Variants in CARD14 observed in about 807,000 individuals in gnomAD.
The protein encoded by CARD14 is caspase recruitment domain-containing protein 14.
Under a neutral mutation model 111.5 loss-of-function variants are expected in CARD14, and 107 were observed. That is an observed-to-expected ratio of 0.96 (90% confidence interval 0.82 to 1.13). CARD14 has a LOEUF of 1.13. Among genes scored for constraint, CARD14 ranks in the 50% most tolerant of loss-of-function variants. CARD14 has a pLI of 0.00. For missense variants in CARD14, 1,322 were observed against 1,362.3 expected (o/e 0.97, Z 0.47); for synonymous variants, 617 against 579.6 (o/e 1.06, Z -0.93).
Position 80,195,637 on chromosome 17 carries a change from C to T in CARD14, c.1579C>T (p.Leu527Phe), listed in dbSNP as rs761409171. The stretch of plus-strand genomic sequence containing the variant: ...AGGCGACCCACACCTGGATTATGAG[C>T]TCCTAGACACGGCAGGTGAGCACGC... ...KAGDPHLDYE[L>F]LDTADLPQLE... Residue 527 changes from leucine to phenylalanine, a missense_variant, in exon 14 of 24, where the codon CTC becomes TTC. Physicochemically the swap from Leu to Phe is conservative, Grantham distance 22. Coordinates refer to ENST00000648509, the MANE Select transcript of CARD14 (RefSeq NM_001366385.1). The surrounding 1 kb of genome is among the most constrained non-coding windows in gnomAD (Gnocchi z 4.7). 1 of 1,613,372 alleles carries T rather than the reference C, an allele frequency of 6.2e-7. No homozygotes were observed. Among genetic ancestry groups the T allele is most frequent in the South Asian group, 1.1e-5 (1 of 90,978 alleles).
rs779419388 is a variant in CARD14, at chr17:80,195,174, T to A, written c.1357-17T>A. 6.3e-7 allele frequency: 1 copy of A among 1,588,854 alleles called. No individual in the cohort carries two copies. Among genetic ancestry groups the A allele is most frequent in the Admixed American group, 1.7e-5 (1 of 59,022 alleles). ...TCCTCGTGCGTGCCCCACTGACTTCTGCCCTCCCTCCTCCAGTCTCAGCTC... is the reference window on the plus strand; with the variant it reads ...TCCTCGTGCGTGCCCCACTGACTTCAGCCCTCCCTCCTCCAGTCTCAGCTC... On this transcript the variant is annotated splice_polypyrimidine_tract_variant and intron_variant, in intron 12 of 23. Transcript: ENST00000648509. This position sits in a 1 kb window ranked among gnomAD's most constrained non-coding sequence, Gnocchi z 4.7.
intron 10 of CARD14, 86 bp downstream of exon 10, chr17:80,190,985 T>G: frequency 2.6e-6 from 4 of 1,521,016 alleles, no homozygotes. Flanking sequence ...CGTGGCTCCC[T>G]GCCCTTGATG....
intron 14 of CARD14, chr17:80,197,509 G>A (rs559595218): frequency 1.3e-5 from 2 of 151,576 alleles, no homozygotes; most frequent in East Asian, 3.9e-4. Flanking sequence ...CTCCAGCCTG[G>A]GCGACAGAGT....
At position 80,195,227 on chromosome 17, in the gene CARD14, C is replaced by T. The variant is rs777303119; in HGVS notation, c.1393C>T (p.Arg465Cys). ...GTCGGACCTGAGTGCCACGTCCAGC[C>T]GCGAGCTGGTGGACAGCTTCCGCTC... ...LLSDLSATSS[R>C]ELVDSFRSSS... Residue 465 changes from arginine to cysteine, a missense_variant, in exon 13 of 24, where the codon CGC (arginine) becomes TGC (cysteine). Physicochemically the swap from Arg to Cys is radical, Grantham distance 180. Coordinates refer to ENST00000648509, the MANE Select transcript of CARD14 (RefSeq NM_001366385.1). The surrounding 1 kb of genome is among the most constrained non-coding windows in gnomAD (Gnocchi z 4.7). 26 of 1,611,640 alleles carry T rather than the reference C, an allele frequency of 1.6e-5. No individual in the cohort carries two copies. The highest frequency in any genetic ancestry group is 1.3e-4 in the East Asian group (6 of 44,864).
Position 80,189,012 on chromosome 17 carries a change from C to T in CARD14, c.843+468C>T, listed in dbSNP as rs540497305. ...GCTGCAGGGAGCTGAGATCACGCCA[C>T]TGCACTCCAGCCTGGCGACAGAGGG... is the stretch of plus-strand genomic sequence containing the variant. On this transcript the variant is annotated intron_variant, in intron 8 of 23. Transcript: ENST00000648509. This position sits in a 1 kb window ranked among gnomAD's most constrained non-coding sequence, Gnocchi z 4.7. Among the ~76,000 whole-genome samples, 20 of 152,336 alleles carry T rather than the reference C, an allele frequency of 1.3e-4. No homozygotes were observed. The highest frequency in any genetic ancestry group is 2.5e-4 in the Non-Finnish European group (17 of 68,032).
chr17:80,188,181 C>T lies in CARD14; in HGVS notation c.676-196C>T. 3 of 565,754 alleles carry T rather than the reference C, an allele frequency of 5.3e-6. No individual in the cohort carries two copies. Among genetic ancestry groups the T allele is most frequent in the South Asian group, 7.7e-5 (2 of 26,116 alleles). The allele number at this position is 565,754 out of a possible 1,614,324, so 35.0% of individuals were successfully genotyped here. A position where few individuals can be genotyped will look rare whatever the true frequency, so the allele number is the denominator to read the frequency against. ...CATCTATAAGACAGAGCTGAAAGGC[C>T]TCTGTCCTCCCAGCCCCAGTTGAAT... On this transcript the variant is annotated intron_variant, in intron 7 of 23. Coordinates refer to ENST00000648509, the MANE Select transcript of CARD14 (RefSeq NM_001366385.1). The surrounding 1 kb of genome is among the most constrained non-coding windows in gnomAD (Gnocchi z 4.5).
chr17:80,177,991 G>A (rs1387574218), intron 2 of CARD14, among the ~76,000 whole-genome samples: 3 of 152,142 alleles, frequency 2.0e-5, no homozygotes, highest in Non-Finnish European at 2.9e-5. Context: ...TTTGCGGGGG[G>A]CCACAATCAG....
intron 7 of CARD14, among the ~76,000 whole-genome samples, chr17:80,184,628 T>G (rs1598641549): frequency 6.6e-6 from 1 of 152,168 alleles, no homozygotes; most frequent in South Asian, 2.1e-4. Flanking sequence ...CATCCTCCTT[T>G]GTCCTTCTCA....
chr17:80,198,617 C>T lies in CARD14; in HGVS notation c.1851+26C>T. ...GTGAGCCGTGCGAGGCCCCTCCTGT[C>T]CCCCGGGCTCCTCATGGGGACAGTG... is the stretch of plus-strand genomic sequence containing the variant. On this transcript the variant is annotated intron_variant, in intron 16 of 23. Coordinates refer to ENST00000648509, the MANE Select transcript of CARD14 (RefSeq NM_001366385.1). The surrounding 1 kb of genome is among the most constrained non-coding windows in gnomAD (Gnocchi z 7.5). 9 of 1,610,390 alleles carry T rather than the reference C, an allele frequency of 5.6e-6. No individual in the cohort carries two copies. The highest frequency in any genetic ancestry group is 7.6e-6 in the Non-Finnish European group (9 of 1,179,372).
Position 80,203,668 on chromosome 17 carries a change from C to T in CARD14, c.2220-154C>T, listed in dbSNP as rs2041113379. 5.3e-6 allele frequency: 3 copies of T among 569,990 alleles called. No homozygotes were observed. Among genetic ancestry groups the T allele is most frequent in the African/African-American group, 1.9e-5 (1 of 51,864 alleles). 35.3% of individuals were successfully genotyped at this position (569,990 alleles called of 1,614,324 possible). On this transcript the variant is annotated intron_variant, in intron 18 of 23. Transcript: ENST00000648509. The surrounding 1 kb of genome is among the most constrained non-coding windows in gnomAD (Gnocchi z 4.6). ...GACTGGCATGGCCGCCAGGATGGAG[C>T]GCTCCAGCCTGCAGCAAAGGGATGT... is the stretch of plus-strand genomic sequence containing the variant.
Position 80,182,529 on chromosome 17 carries a change from C to T in CARD14, c.212-124C>T. 1 of 1,181,028 alleles carries T rather than the reference C, an allele frequency of 8.5e-7. No individual in the cohort carries two copies. Among genetic ancestry groups the T allele is most frequent in the South Asian group, 1.5e-5 (1 of 66,654 alleles). The allele number at this position is 1,181,028 out of a possible 1,614,324, so 73.2% of individuals were successfully genotyped here. A position where few individuals can be genotyped will look rare whatever the true frequency, so the allele number is the denominator to read the frequency against. ...AGAACCCAGAAAACCGCTTTCACCT[C>T]CCGATTCTTACATGTGCGGGGGGTT... On this transcript the variant is annotated intron_variant, in intron 5 of 23. Coordinates refer to ENST00000648509, the MANE Select transcript of CARD14 (RefSeq NM_001366385.1). This position sits in a 1 kb window ranked among gnomAD's most constrained non-coding sequence, Gnocchi z 4.7.
chr17:80,180,353 T>C (rs1445714330), intron 4 of CARD14, among the ~76,000 whole-genome samples: 2 of 152,226 alleles, frequency 1.3e-5, no homozygotes, highest in Admixed American at 6.5e-5. Flanking sequence ...TTCGGGGACC[T>C]GTCCACCCTC....
rs1344416829 is a variant in CARD14, at chr17:80,192,613, C to T, written c.1350C>T (p.Ser450=). 7.4e-6 allele frequency: 12 copies of T among 1,611,276 alleles called. No homozygotes were observed. The Middle Eastern group carries it at 5.2e-4, about 69-fold the overall frequency. Residue 450 remains serine (S), a synonymous_variant, in exon 12 of 24, where the codon TCC becomes TCT. Transcript: ENST00000648509. The part of the protein sequence containing the change: ...RDDSDCSLVS[S]TESQLLSDLS... ...ACAGCGACTGCAGCCTCGTCAGCTCCACAGAGGTACGGCCGCTCCTCCCGC... is the reference window on the plus strand; with the variant it reads ...ACAGCGACTGCAGCCTCGTCAGCTCTACAGAGGTACGGCCGCTCCTCCCGC...
Position 80,198,683 on chromosome 17 carries a change from G to C in CARD14, c.1851+92G>C, listed in dbSNP as rs1490811220. The C allele has an allele frequency of 6.2e-7, 1 of 1,605,756 alleles. No homozygotes were observed. Among genetic ancestry groups the C allele is most frequent in the South Asian group, 1.1e-5 (1 of 90,692 alleles). Reference sequence around the variant, plus strand: ...ACCCAGGCAGACTTCACCTCCCCCAGACGATGCAGATCCACTCTGGGCTGG... The same window carrying C: ...ACCCAGGCAGACTTCACCTCCCCCACACGATGCAGATCCACTCTGGGCTGG... On this transcript the variant is annotated intron_variant, in intron 16 of 23. Transcript: ENST00000648509. This position sits in a 1 kb window ranked among gnomAD's most constrained non-coding sequence, Gnocchi z 7.5.
Position 80,188,561 on chromosome 17 carries a change from G to A in CARD14, c.843+17G>A, listed in dbSNP as rs748988466. The stretch of plus-strand genomic sequence containing the variant: ...TTCAGCCTGGTAGGTTCCGGTCCCC[G>A]CAGCAGAGAGCGGCCTCCTGCCTTG... On this transcript the variant is annotated intron_variant, in intron 8 of 23. Coordinates refer to ENST00000648509, the MANE Select transcript of CARD14 (RefSeq NM_001366385.1). This position sits in a 1 kb window ranked among gnomAD's most constrained non-coding sequence, Gnocchi z 4.5. 18 of 1,457,910 alleles carry A rather than the reference G, an allele frequency of 1.2e-5. No homozygotes were observed. In the East Asian group the frequency reaches 1.8e-4, roughly 15 times the overall value. The allele number at this position is 1,457,910 out of a possible 1,614,324, so 90.3% of individuals were successfully genotyped here.
In CARD14 at chr17:80,195,458, GC is replaced by G; in HGVS notation, c.1500-96del. On this transcript the variant is annotated intron_variant, in intron 13 of 23. Coordinates refer to ENST00000648509, the MANE Select transcript of CARD14 (RefSeq NM_001366385.1). This position sits in a 1 kb window ranked among gnomAD's most constrained non-coding sequence, Gnocchi z 4.7. ...GCAGGCAGCAGCTCCTGCCCTCGAA[GC>G]CCCAGAGCTGGCAGGTGCTGGGGGC... The G allele has an allele frequency of 6.6e-7, 1 of 1,504,022 alleles. No individual in the cohort carries two copies. 93.2% of individuals were successfully genotyped at this position (1,504,022 alleles called of 1,614,324 possible).
Position 80,189,793 on chromosome 17 carries a change from G to A in CARD14, c.884G>A (p.Arg295Gln), listed in dbSNP as rs768185060. Residue 295 changes from arginine to glutamine, a missense_variant, in exon 9 of 24, where the codon CGG becomes CAG. Physicochemically the swap from Arg to Gln is conservative, Grantham distance 43 (BLOSUM62 1). Coordinates refer to ENST00000648509, the MANE Select transcript of CARD14 (RefSeq NM_001366385.1). This position sits in a 1 kb window ranked among gnomAD's most constrained non-coding sequence, Gnocchi z 4.7. ...CTGGAGCAGAGCCTGGACGAGGCGC[G>A]GGGGAGCCGACAGGAGCTGGTGGAG... ...DILEQSLDEA[R>Q]GSRQELVERI... 5.0e-5 allele frequency: 80 copies of A among 1,586,154 alleles called. No homozygotes were observed. The highest frequency in any genetic ancestry group is 6.4e-5 in the Non-Finnish European group (75 of 1,170,528).
At chr17:80,185,263 G>A (rs150190128) in intron 7 of CARD14, among the ~76,000 whole-genome samples, 78 of 152,084 alleles carry the variant, frequency 5.1e-4, no homozygotes, top group African/African-American at 1.7e-3. Flanking sequence ...TGTTGCCCAG[G>A]CTGGTCTCGG....
intron 4 of CARD14, 94 bp from the exon 5 acceptor site, chr17:80,181,325 T>C (rs1567868735): frequency 1.1e-6 from 1 of 950,168 alleles, no homozygotes; most frequent in Non-Finnish European, 1.6e-6. Flanking sequence ...GCCTTGCTAA[T>C]TTTACGATGG....
Sources: gnomAD v4.1 joint callset for allele counts (sites outside exome capture counted in the v4.1 genomes callset) on GRCh38, gnomAD v4.1.1 for gene constraint, Gnocchi (gnomAD v3.1) non-coding constraint, MANE v1.5 for transcripts, NCBI Gene and HGNC (gene_info 2026-07-23, HGNC 2026-07-21) for gene names.